NRG3: variants seen among roughly 807,000 people sequenced by gnomAD.
NRG3 encodes pro-neuregulin-3, membrane-bound isoform.
Under a neutral mutation model 66.9 loss-of-function variants are expected in NRG3, and 31 were observed. The ratio of observed to expected loss-of-function variants is 0.46; its 90% CI spans 0.35 to 0.63. The LOEUF (loss-of-function observed/expected upper bound fraction) is 0.63. Ranked by LOEUF, NRG3 falls within the 20% of genes least tolerant of loss-of-function variation. The pLI, the probability that NRG3 is intolerant of heterozygous loss-of-function variation, is 0.00. For missense variants in NRG3, 910 were observed against 878.9 expected (o/e 1.04, Z -0.45); for synonymous variants, 393 against 359.4 (o/e 1.09, Z -1.06).
At chr10:82,186,071 AT>A (rs2073788730) in intron 1 of NRG3, among the ~76,000 whole-genome samples, 1 of 152,198 alleles carries the variant, frequency 6.6e-6, no homozygotes, top group Non-Finnish European at 1.5e-5. Flanking sequence ...CTGTGTGGGC[AT>A]GAAATTGTTA....
At chr10:82,428,866 C>T (rs1200248327) in intron 2 of NRG3, among the ~76,000 whole-genome samples, 1 of 151,832 alleles carries the variant, frequency 6.6e-6, no homozygotes, top group Non-Finnish European at 1.5e-5. Context: ...CTATCATTTT[C>T]CCACATATAT....
intron 2 of NRG3, among the ~76,000 whole-genome samples, chr10:82,470,124 C>T (rs2132044689): frequency 6.6e-6 from 1 of 152,288 alleles, no homozygotes; most frequent in East Asian, 1.9e-4. Flanking sequence ...AGCTCAAATC[C>T]AATGCCATGT....
intron 1 of NRG3, chr10:81,878,234 T>G: frequency 1.5e-6 from 1 of 663,330 alleles, no homozygotes; most frequent in Non-Finnish European, 2.5e-6. Context: ...GTGTCAATGT[T>G]CACATAGACA....
chr10:82,922,582 C>G (rs1044496674), intron 4 of NRG3, among the ~76,000 whole-genome samples: 2 of 152,092 alleles, frequency 1.3e-5, no homozygotes, highest in East Asian at 1.9e-4. Context: ...TTAGATGCAC[C>G]TGTGGATGAT....
rs538632099 is a variant in NRG3, at chr10:82,582,661, G to GTT, written c.954-155915_954-155914dup. On this transcript the variant is annotated intron_variant, in intron 2 of 8. Coordinates refer to ENST00000372141, the MANE Select transcript of NRG3 (RefSeq NM_001010848.4). ...AGAAGAGGGAAAAATATCTATATGT[G>GTT]TTGTGTGTGTGTGTGTGTGTGTGTG... Among the ~76,000 whole-genome samples, 26 of 122,760 alleles carry GTT rather than the reference G, an allele frequency of 2.1e-4. No individual in the cohort carries two copies. The East Asian group carries it at 2.8e-3, about 13-fold the overall frequency. The allele number at this position is 122,760 out of a possible 152,430, so 80.5% of individuals were successfully genotyped here.
At chr10:82,963,507 C>G (rs1028045127) in intron 6 of NRG3, among the ~76,000 whole-genome samples, 2 of 151,730 alleles carry the variant, frequency 1.3e-5, no homozygotes, top group African/African-American at 4.8e-5. Context: ...GGTGAAACCC[C>G]GTCTCTACTA....
intron 2 of NRG3, among the ~76,000 whole-genome samples, chr10:82,432,210 A>G (rs1250648292): frequency 6.6e-6 from 1 of 152,164 alleles, no homozygotes; most frequent in African/African-American, 2.4e-5. Flanking sequence ...ATCTGTTCCT[A>G]AAATAAGTTA....
chr10:82,440,517 G>C (rs923884573), intron 2 of NRG3, among the ~76,000 whole-genome samples: 5 of 151,740 alleles, frequency 3.3e-5, no homozygotes, highest in Non-Finnish European at 7.4e-5. Flanking sequence ...CGGAGGCTTT[G>C]CAGTGAAACT....
chr10:82,538,494 C>T (rs1176095979), intron 2 of NRG3, among the ~76,000 whole-genome samples: 1 of 152,138 alleles, frequency 6.6e-6, no homozygotes, highest in African/African-American at 2.4e-5. Flanking sequence ...TATAATCAGA[C>T]TCTAATGCTA....
chr10:82,408,127 GAA>G (rs1451087107), intron 2 of NRG3, among the ~76,000 whole-genome samples: 1 of 140,908 alleles, frequency 7.1e-6, no homozygotes, highest in Non-Finnish European at 1.6e-5. Context: ...AAGAAAGAAA[GAA>G]AGAAAGAAAG....
intron 2 of NRG3, among the ~76,000 whole-genome samples, chr10:82,694,219 A>C (rs555725627): frequency 2.0e-5 from 3 of 152,196 alleles, no homozygotes; most frequent in Non-Finnish European, 4.4e-5. Context: ...TTAGCTAGAC[A>C]CAGAGCGCTG....
intron 1 of NRG3, among the ~76,000 whole-genome samples, chr10:81,978,289 G>A (rs1191883235): frequency 6.6e-6 from 1 of 152,114 alleles, no homozygotes; most frequent in Non-Finnish European, 1.5e-5. Flanking sequence ...TAAAGGGAAG[G>A]AACTAGTTAA....
chr10:82,389,572 A>G (rs551877858), intron 2 of NRG3, among the ~76,000 whole-genome samples: 1 of 152,322 alleles, frequency 6.6e-6, no homozygotes, highest in Non-Finnish European at 1.5e-5. Context: ...AAAAAAATAC[A>G]AACATTGGTG....
At chr10:82,813,078 GT>G (rs2061557195) in intron 3 of NRG3, among the ~76,000 whole-genome samples, 1 of 152,032 alleles carries the variant, frequency 6.6e-6, no homozygotes, top group Admixed American at 6.6e-5. Flanking sequence ...TTTGAAACCT[GT>G]GCTCATATCA....
At chr10:82,424,926 T>A (rs2089324275) in intron 2 of NRG3, among the ~76,000 whole-genome samples, 1 of 152,056 alleles carries the variant, frequency 6.6e-6, no homozygotes, top group African/African-American at 2.4e-5. Context: ...TTAGCACCCA[T>A]ATAGAAAATC....
At chr10:81,887,862 G>T (rs1463799780) in intron 1 of NRG3, among the ~76,000 whole-genome samples, 1 of 152,084 alleles carries the variant, frequency 6.6e-6, no homozygotes, top group Non-Finnish European at 1.5e-5. Context: ...CCCAGGTGTA[G>T]GTTTTCCTGT....
At chr10:82,867,619 G>C (rs995316519) in intron 4 of NRG3, among the ~76,000 whole-genome samples, 1 of 152,158 alleles carries the variant, frequency 6.6e-6, no homozygotes, top group Admixed American at 6.5e-5. Flanking sequence ...GACAGGTAGA[G>C]GAAAATGAGA....
intron 1 of NRG3, among the ~76,000 whole-genome samples, chr10:82,317,248 A>G (rs921364395): frequency 1.3e-5 from 2 of 151,674 alleles, no homozygotes; most frequent in Non-Finnish European, 2.9e-5. Context: ...TCGTGTTTCA[A>G]TGATACAACA....
At chr10:81,925,269 T>C (rs1266848649) in intron 1 of NRG3, among the ~76,000 whole-genome samples, 1 of 152,246 alleles carries the variant, frequency 6.6e-6, no homozygotes, top group Non-Finnish European at 1.5e-5. Flanking sequence ...TTGAGGCACA[T>C]GTGGAACCTT....
Sources: allele counts gnomAD v4.1 joint callset (sites outside exome capture counted in the v4.1 genomes callset), GRCh38; gene constraint gnomAD v4.1.1; transcripts MANE v1.5; gene names NCBI Gene and HGNC (gene_info 2026-07-23, HGNC 2026-07-21).